IL5RA: variants seen among roughly 807,000 people sequenced by gnomAD.
The protein encoded by IL5RA is interleukin-5 receptor subunit alpha.
Under a neutral mutation model 50.0 loss-of-function variants are expected in IL5RA, and 49 were observed. The ratio of observed to expected loss-of-function variants is 0.98; its 90% CI spans 0.78 to 1.24. The LOEUF is 1.24. Ranked by LOEUF, IL5RA falls within the 50% of genes most tolerant of loss-of-function variation. The probability of loss-of-function intolerance (pLI) is 0.00; values close to 1 mark genes in which losing one functional copy is unlikely to be tolerated. For missense variants in IL5RA, 600 were observed against 500.4 expected, an observed-to-expected ratio of 1.20 and a Z score of -1.90; for synonymous variants, 202 against 174.0, an observed-to-expected ratio of 1.16 and a Z score of -1.26.
Position 3,092,181 on chromosome 3 carries a change from C to G in IL5RA, c.994+43G>C. 1 of 1,593,306 alleles carries G rather than the reference C, an allele frequency of 6.3e-7. No individual in the cohort carries two copies. Among genetic ancestry groups the G allele is most frequent in the Non-Finnish European group, 8.5e-7 (1 of 1,171,562 alleles). ...CGTTTCTGGGATTACCTTTTTTGAT[C>G]ACAAGGAAGGCTGCCAATGTAAAAT... On this transcript the variant is annotated intron_variant, in intron 9 of 11. Coordinates refer to ENST00000446632, the MANE Select transcript of IL5RA (RefSeq NM_175726.4). This position sits in a 1 kb window ranked among gnomAD's most constrained non-coding sequence, Gnocchi z 4.2.
rs780075950 is a variant in IL5RA, at chr3:3,104,926, G to C, written c.59C>G (p.Ala20Gly). ...ILLGATEILQADLLPDEKISL... is the reference protein window; with the variant it reads ...ILLGATEILQGDLLPDEKISL... Reference sequence around the variant, plus strand: ...ACTCTTTTCATCAGGAAGTAAGTCAGCTTGCAGTATCTCAGTGGCCCCCAA... The same window carrying C: ...ACTCTTTTCATCAGGAAGTAAGTCACCTTGCAGTATCTCAGTGGCCCCCAA... Residue 20 changes from alanine (A) to glycine (G), a missense_variant, in exon 3 of 12, where the codon GCT becomes GGT. Physicochemically the swap from Ala to Gly is moderately conservative, Grantham distance 60. Transcript: ENST00000446632. The C allele has an allele frequency of 6.2e-7, 1 of 1,611,352 alleles. No individual in the cohort carries two copies. Among genetic ancestry groups the C allele is most frequent in the Non-Finnish European group, 8.5e-7 (1 of 1,177,596 alleles).
intron 11 of IL5RA, among the ~76,000 whole-genome samples, chr3:3,072,076 C>T (rs1466001317): frequency 6.6e-6 from 1 of 152,232 alleles, no homozygotes; most frequent in East Asian, 1.9e-4. Context: ...CTGCCCATAG[C>T]ACCAATGTGC....
At chr3:3,099,494 C>T (rs186397399) in intron 5 of IL5RA, among the ~76,000 whole-genome samples, 5 of 151,848 alleles carry the variant, frequency 3.3e-5, no homozygotes, top group East Asian at 3.9e-4. Context: ...CCAGGTGTGG[C>T]GGCATGTGCC....
At chr3:3,070,575 C>CTTTTTTTTTTTTTTTTTTTTTTT (rs71058670) in intron 11 of IL5RA, among the ~76,000 whole-genome samples, 1 of 84,902 alleles carries the variant, frequency 1.2e-5, no homozygotes, top group African/African-American at 5.4e-5. Flanking sequence ...GGATACACAT[C>CTTTTTTTTTTTTTTTTTTTTTTT]TTTTTTTTTT....
chr3:3,100,710 C>G (rs1703605680), intron 5 of IL5RA, among the ~76,000 whole-genome samples: 1 of 152,134 alleles, frequency 6.6e-6, no homozygotes. Flanking sequence ...TCCAGTTGTT[C>G]ATTATAGAAA....
intron 7 of IL5RA, among the ~76,000 whole-genome samples, chr3:3,095,758 T>A (rs1255642508): frequency 1.3e-5 from 2 of 151,930 alleles, no homozygotes; most frequent in Non-Finnish European, 2.9e-5. Flanking sequence ...CCCCCTTTAC[T>A]ACTCAAGTTG....
At chr3:3,073,999 A>C (rs1032475887) in intron 11 of IL5RA, among the ~76,000 whole-genome samples, 1 of 152,256 alleles carries the variant, frequency 6.6e-6, no homozygotes, top group Non-Finnish European at 1.5e-5. Flanking sequence ...AACTACATAC[A>C]GCAACTAATT....
intron 8 of IL5RA, among the ~76,000 whole-genome samples, chr3:3,093,772 A>G (rs1703237089): frequency 6.6e-6 from 1 of 152,178 alleles, no homozygotes; most frequent in African/African-American, 2.4e-5. Flanking sequence ...ATGTCACAAG[A>G]TTGGGTCACT....
chr3:3,095,323 G>T lies in IL5RA; in HGVS notation c.831C>A (p.His277Gln). 1 of 1,600,702 alleles carries T rather than the reference G, an allele frequency of 6.2e-7. No homozygotes were observed. The highest frequency in any genetic ancestry group is 8.6e-7 in the Non-Finnish European group (1 of 1,168,942). ...IHCFDYEVKI[H>Q]NTRNGYLQIE... ...CCTGCAAATATCCATTCCTTGTATT[G>T]TGTATTTTTACTTCATAATCAAAGC... is the stretch of plus-strand genomic sequence containing the variant. Residue 277 changes from histidine to glutamine, a missense_variant, in exon 8 of 12, where the codon CAC becomes CAA. Physicochemically the swap from His to Gln is conservative, Grantham distance 24. Coordinates refer to ENST00000446632, the MANE Select transcript of IL5RA (RefSeq NM_175726.4).
intron 9 of IL5RA, among the ~76,000 whole-genome samples, chr3:3,083,492 T>G (rs1702739935): frequency 6.6e-6 from 1 of 152,212 alleles, no homozygotes; most frequent in African/African-American, 2.4e-5. Context: ...GATGGCTCAC[T>G]GCAGTACTGC....
chr3:3,085,038 G>C (rs1338965664), intron 9 of IL5RA, among the ~76,000 whole-genome samples: 2 of 152,248 alleles, frequency 1.3e-5, no homozygotes, highest in Non-Finnish European at 2.9e-5. Context: ...AAAGGTCCCT[G>C]TTAGGCCTCC....
At chr3:3,081,224 T>C (rs1702653817) in intron 9 of IL5RA, among the ~76,000 whole-genome samples, 1 of 152,172 alleles carries the variant, frequency 6.6e-6, no homozygotes, top group Non-Finnish European at 1.5e-5. Flanking sequence ...TTGCATTCTT[T>C]CTTAGTTAAT....
chr3:3,070,367 G>C (rs1456797628), intron 11 of IL5RA, 56 bp from the exon 12 acceptor site: 1 of 1,083,360 alleles, frequency 9.2e-7, no homozygotes, highest in Non-Finnish European at 1.4e-6. Context: ...TGGGTTCTTT[G>C]AAATCTTTAC....
intron 9 of IL5RA, chr3:3,091,818 A>C (rs758331105): frequency 1.1e-5 from 2 of 183,990 alleles, no homozygotes; most frequent in South Asian, 1.8e-4. Flanking sequence ...CCAATATTCT[A>C]TTCCACTATT....
intron 11 of IL5RA, among the ~76,000 whole-genome samples, chr3:3,071,258 C>T (rs930099454): frequency 3.3e-5 from 5 of 152,146 alleles, no homozygotes; most frequent in African/African-American, 1.2e-4. Context: ...AGTTTACGGG[C>T]AACCTAATTG....
chr3:3,079,003 A>G (rs371992726), intron 9 of IL5RA, among the ~76,000 whole-genome samples: 2 of 152,066 alleles, frequency 1.3e-5, no homozygotes, highest in South Asian at 2.1e-4. Context: ...CAGACTGTGT[A>G]TAGTTGAGCC....
At chr3:3,083,074 G>A (rs752322622) in intron 9 of IL5RA, among the ~76,000 whole-genome samples, 1 of 152,182 alleles carries the variant, frequency 6.6e-6, no homozygotes, top group African/African-American at 2.4e-5. Flanking sequence ...ATGTCAATAT[G>A]GCAGTCTATG....
chr3:3,088,768 A>G (rs6800729), intron 9 of IL5RA, among the ~76,000 whole-genome samples: 3 of 152,180 alleles, frequency 2.0e-5, no homozygotes, highest in Non-Finnish European at 2.9e-5. Context: ...CCAAAATTGA[A>G]TACATATAGA....
chr3:3,082,297 G>A (rs1353606441), intron 9 of IL5RA, among the ~76,000 whole-genome samples: 1 of 152,152 alleles, frequency 6.6e-6, no homozygotes, highest in African/African-American at 2.4e-5. Context: ...GAGGTAATTT[G>A]ACTCTCTGCT....
Sources: allele counts gnomAD v4.1 joint callset (sites outside exome capture counted in the v4.1 genomes callset), GRCh38; gene constraint gnomAD v4.1.1; non-coding constraint Gnocchi (gnomAD v3.1); transcripts MANE v1.5; gene names NCBI Gene and HGNC (gene_info 2026-07-23, HGNC 2026-07-21).